The following CCDC78 variants were observed in gnomAD, a reference collection of about 807,000 sequenced individuals.
CCDC78 encodes coiled-coil domain-containing protein 78.
CCDC78 carries 78 observed loss-of-function variants against 61.9 expected under a neutral mutation model. The observed-to-expected ratio is 1.26, with a 90% CI of 1.05 to 1.52. CCDC78 has a LOEUF of 1.52. Among genes scored for constraint, CCDC78 ranks in the 40% most tolerant of loss-of-function variants. CCDC78 has a pLI of 0.00. For synonymous variants in CCDC78, 287 were observed against 251.9 expected (o/e 1.14, Z -1.32); for missense variants, 737 against 615.5 (o/e 1.20, Z -2.09).
rs745805323 is a variant in CCDC78 at position 724,634 on chromosome 16, G to C, written c.765+47C>G. 1.7e-5 allele frequency: 27 copies of C among 1,593,074 alleles called. No homozygotes were observed. In the East Asian group the frequency reaches 5.8e-4, roughly 34 times the overall value. ...CCCTGAAGCTATCCAGCACACCCAG[G>C]CCAGGCTTGGGCTCCCTAGGCCTCA... On this transcript the variant is annotated intron_variant, in intron 8 of 13. Transcript: ENST00000345165.
rs2040592459 is a variant in CCDC78, at chr16:724,205, C to T, written c.954G>A (p.Arg318=). The change falls in exon 10 of 14, where the codon AGG becomes AGA. Residue 318 remains arginine, a splice_region_variant and synonymous_variant. Transcript: ENST00000345165. The part of the protein sequence containing the change: ...RRHEELLVAY[R]APGNPQAIFD... Reference sequence around the variant, plus strand: ...AAATAGCTTGGGGGTTCCCAGGTGCCCTGTCAGGGTAGGCTAGTGTCTGTC... The same window carrying T: ...AAATAGCTTGGGGGTTCCCAGGTGCTCTGTCAGGGTAGGCTAGTGTCTGTC... 1.9e-6 allele frequency: 3 copies of T among 1,593,472 alleles called. No homozygotes were observed. Among genetic ancestry groups the T allele is most frequent in the Middle Eastern group, 1.7e-4 (1 of 5,980 alleles).
At chr16:723,756 C>T (rs780859431) in intron 11 of CCDC78, 101 bp downstream of exon 11, 2 of 1,082,146 alleles carry the variant, frequency 1.8e-6, no homozygotes, top group Non-Finnish European at 2.8e-6. Context: ...CAGACCCTGT[C>T]TGGCGGGGGC....
chr16:724,666 T>G lies in CCDC78; in HGVS notation c.765+15A>C. 6.2e-7 allele frequency: 1 copy of G among 1,607,268 alleles called. No homozygotes were observed. Among genetic ancestry groups the G allele is most frequent in the Non-Finnish European group, 8.5e-7 (1 of 1,179,270 alleles). ...TTGGGCTCCCTAGGCCTCAGGGTGCTCCTGCAGGGCTCACCACTGCCTGCC... is the reference window on the plus strand; with the variant it reads ...TTGGGCTCCCTAGGCCTCAGGGTGCGCCTGCAGGGCTCACCACTGCCTGCC... On this transcript the variant is annotated intron_variant, in intron 8 of 13. Transcript: ENST00000345165.
chr16:723,238 T>G, intron 11 of CCDC78, 77 bp from the exon 12 acceptor site: 2 of 1,509,210 alleles, frequency 1.3e-6, no homozygotes, highest in Non-Finnish European at 1.8e-6. Flanking sequence ...CCGTGCTGAG[T>G]CAGGTTCCCA....
intron 4 of CCDC78, 51 bp downstream of exon 4, chr16:725,362 A>T: frequency 6.2e-7 from 1 of 1,611,600 alleles, no homozygotes; most frequent in South Asian, 1.1e-5. Flanking sequence ...GCCCCTGCTG[A>T]GGCTTCCCTC....
chr16:725,325 G>A, intron 4 of CCDC78, 32 bp from the exon 5 acceptor site: 1 of 1,610,400 alleles, frequency 6.2e-7, no homozygotes, highest in East Asian at 2.2e-5. Flanking sequence ...GAAAGCTAAG[G>A]GGTGGGTGAG....
chr16:723,067 TGG>T, intron 12 of CCDC78, 26 bp downstream of exon 12: 1 of 1,612,692 alleles, frequency 6.2e-7, no homozygotes, highest in Non-Finnish European at 8.5e-7. Context: ...GGCGTGAGGA[TGG>T]GCCTGGGCCA....
At chr16:724,540 C>T (rs1254996423) in intron 8 of CCDC78, 31 bp from the exon 9 acceptor site, 9 of 1,574,982 alleles carry the variant, frequency 5.7e-6, no homozygotes, top group African/African-American at 2.7e-5. Flanking sequence ...CCGCATGGGG[C>T]CCACCCCCCA....
At chr16:725,342 T>A (rs1217735738) in intron 4 of CCDC78, 49 bp from the exon 5 acceptor site, 1 of 1,611,068 alleles carries the variant, frequency 6.2e-7, no homozygotes, top group East Asian at 2.2e-5. Context: ...TGAGCCCCAG[T>A]TTCACTGAGG....
intron 7 of CCDC78, 29 bp downstream of exon 7, chr16:724,882 G>A (rs749340483): frequency 3.8e-6 from 6 of 1,598,020 alleles, no homozygotes; most frequent in Middle Eastern, 3.3e-4. Context: ...CACCCTCCAG[G>A]TCTCCAAGCA....
At chr16:726,445 G>T, upstream of CCDC78, 3 of 1,483,828 alleles carry the variant, frequency 2.0e-6, no homozygotes, top group Non-Finnish European at 2.7e-6. Flanking sequence ...GCTGCCACTG[G>T]CACTGCTAAG....
At position 726,073 on chromosome 16, in the gene CCDC78, C is replaced by T. The variant is rs1451728111; in HGVS notation, c.73G>A (p.Ala25Thr). 1 of 1,548,722 alleles carries T rather than the reference C, an allele frequency of 6.5e-7. No individual in the cohort carries two copies. Among genetic ancestry groups the T allele is most frequent in the Admixed American group, 2.0e-5 (1 of 50,868 alleles). ...GGAGCTCCTGGCAGCCAGTCCTTGG[C>T]TCGTAGCACAACCTGGGGAGGTACC... ...SRRVENVVLR[A>T]KDWLPGAPGG... Residue 25 changes from alanine to threonine, a missense_variant, in exon 2 of 14, where the codon GCC becomes ACC. Physicochemically the swap from Ala to Thr is moderately conservative, Grantham distance 58. Coordinates refer to ENST00000345165, the MANE Select transcript of CCDC78 (RefSeq NM_001378030.1).
chr16:724,051 AGTGG>A, intron 10 of CCDC78, 51 bp downstream of exon 10: 8 of 446,334 alleles, frequency 1.8e-5, no homozygotes, highest in African/African-American at 2.4e-5. Flanking sequence ...AGTGTGGGGC[AGTGG>A]GTGGGTGGGG....
In CCDC78 at chr16:725,991, G is replaced by A. The variant is rs1432121366; in HGVS notation, c.155C>T (p.Ala52Val). 9.0e-6 allele frequency: 14 copies of A among 1,550,958 alleles called. No homozygotes were observed. The highest frequency in any genetic ancestry group is 2.4e-5 in the East Asian group (1 of 41,060). ...CTGCAGCTGCTGCTCCTTATTGAGCGCTAGATCTGGTGGGACCTCTGCTTC... is the reference window on the plus strand; with the variant it reads ...CTGCAGCTGCTGCTCCTTATTGAGCACTAGATCTGGTGGGACCTCTGCTTC... The part of the protein sequence containing the change: ...SLEAEVPPDL[A>V]LNKEQQLQIS... The change falls in exon 2 of 14, where the codon GCG becomes GTG. Residue 52 changes from alanine (A) to valine (V), a missense_variant. Physicochemically the swap from Ala to Val is moderately conservative, Grantham distance 64. Transcript: ENST00000345165.
intron 1 of CCDC78, 46 bp downstream of exon 1, chr16:726,262 C>T (rs1354595079): frequency 6.5e-7 from 1 of 1,549,414 alleles, no homozygotes; most frequent in South Asian, 1.2e-5. Flanking sequence ...GGGGAACGGG[C>T]AGACTTCAAC....
At position 723,294 on chromosome 16, in the gene CCDC78, C is replaced by G. The variant is rs747803994; in HGVS notation, c.1134-133G>C. 38 of 968,884 alleles carry G rather than the reference C, an allele frequency of 3.9e-5. No homozygotes were observed. In the African/African-American group the frequency reaches 6.1e-4, roughly 16 times the overall value. 60.0% of individuals were successfully genotyped at this position (968,884 alleles called of 1,614,324 possible). ...GGAGTGAGTGAGGGAGGCATGGGCC[C>G]CCCCCGTGCTCCTGTGGCGCCCCCC... On this transcript the variant is annotated intron_variant, in intron 11 of 13. Coordinates refer to ENST00000345165, the MANE Select transcript of CCDC78 (RefSeq NM_001378030.1).
chr16:725,372 C>G (rs773227510), intron 4 of CCDC78, 41 bp downstream of exon 4: 1 of 1,611,950 alleles, frequency 6.2e-7, no homozygotes, highest in South Asian at 1.1e-5. Flanking sequence ...AGGCTTCCCT[C>G]TGGCCTTTCC....
At position 724,465 on chromosome 16, in the gene CCDC78, G is replaced by T. The variant is rs372703744; in HGVS notation, c.810C>A (p.Leu270=). The T allele has an allele frequency of 6.4e-5, 102 of 1,601,986 alleles. No homozygotes were observed. Among genetic ancestry groups the T allele is most frequent in the Non-Finnish European group, 8.4e-5 (99 of 1,179,728 alleles). Residue 270 remains leucine (L), a synonymous_variant, in exon 9 of 14, where the codon CTC becomes CTA. Coordinates refer to ENST00000345165, the MANE Select transcript of CCDC78 (RefSeq NM_001378030.1). ...CCAGAGTCGCCTCCAGGAATGTCCG[G>T]AGGGCCGTGGTGGCTGGCGCTTGGC... ...GAGQAPATTA[L]RTFLEATLED... is the part of the protein sequence containing the mutation.
chr16:722,899 C>G, intron 13 of CCDC78, 23 bp downstream of exon 13: 1 of 1,610,650 alleles, frequency 6.2e-7, no homozygotes, highest in South Asian at 1.1e-5. Context: ...GCCCTGGGGT[C>G]ACACCCAGCT....
Sources: allele counts gnomAD v4.1 joint callset, GRCh38; gene constraint gnomAD v4.1.1; transcripts MANE v1.5; gene names NCBI Gene and HGNC (gene_info 2026-07-23, HGNC 2026-07-21).